The following IGLL5 variants were observed in gnomAD, a reference collection of about 807,000 sequenced individuals.
The protein encoded by IGLL5 is immunoglobulin lambda-like polypeptide 5.
In IGLL5, 30 loss-of-function variants were observed where a neutral mutation model predicts 20.9. That is an observed-to-expected ratio of 1.44 (90% confidence interval 1.07 to 1.95). The LOEUF (loss-of-function observed/expected upper bound fraction) is 1.95, where lower values mean the gene tolerates loss of function less well. IGLL5 is among the 30% of genes most tolerant of loss of function. The pLI is 0.00. For missense variants in IGLL5, 475 were observed against 270.7 expected, an observed-to-expected ratio of 1.75 and a Z score of -5.30; for synonymous variants, 203 against 117.3, an observed-to-expected ratio of 1.73 and a Z score of -4.72.
intron 1 of IGLL5, among the ~76,000 whole-genome samples, chr22:22,889,405 C>G (rs1204211679): frequency 6.6e-6 from 1 of 151,154 alleles, no homozygotes. Context: ...GTGTGTTTAT[C>G]TAAACTGGGC....
In IGLL5 at chr22:22,895,858, C is replaced by T; in HGVS notation, c.*164C>T. The T allele has an allele frequency of 1.3e-6, 1 of 751,122 alleles. No homozygotes were observed. Among genetic ancestry groups the T allele is most frequent in the Non-Finnish European group, 2.2e-6 (1 of 446,636 alleles). 46.5% of individuals were successfully genotyped at this position (751,122 alleles called of 1,614,324 possible). A position where few individuals can be genotyped will look rare whatever the true frequency, so the allele number is the denominator to read the frequency against. ...AATCTTGTTTTATCTCATTTTTTTT[C>T]TCACATAAATTGCTAGCCTCCCCGG... On this transcript the variant is annotated 3_prime_UTR_variant, in exon 3 of 3. Coordinates refer to ENST00000526893, the MANE Select transcript of IGLL5 (RefSeq NM_001178126.2).
rs1191271527 is a variant in IGLL5 at position 22,890,589 on chromosome 22, GTGTGTGTGTGTA to G, written c.206+2336_206+2347del. Among the ~76,000 whole-genome samples the G allele has an allele frequency of 6.0e-3, 870 of 145,280 alleles. 15 individuals carry two copies. Among genetic ancestry groups the G allele is most frequent in the African/African-American group, 0.022 (830 of 37,238 alleles). On this transcript the variant is annotated intron_variant, in intron 1 of 2. Transcript: ENST00000526893. ...TGTGTGTGTGTGTGTGTGTGTGTGT[GTGTGTGTGTGTA>G]TGTGTACAAAGTGCACTTATATATC...
At chr22:22,895,037 A>C (rs192975490) in intron 2 of IGLL5, among the ~76,000 whole-genome samples, 1 of 151,370 alleles carries the variant, frequency 6.6e-6, no homozygotes, top group South Asian at 2.1e-4. Flanking sequence ...GAAATGAGGG[A>C]TCCAGGGGTC....
chr22:22,891,058 T>A (rs771789068), intron 1 of IGLL5, among the ~76,000 whole-genome samples: 5 of 151,162 alleles, frequency 3.3e-5, no homozygotes, highest in Non-Finnish European at 7.4e-5. Flanking sequence ...GGGTCTTTTG[T>A]TTATGGGGTC....
intron 1 of IGLL5, among the ~76,000 whole-genome samples, chr22:22,892,535 G>A (rs1016773648): frequency 6.6e-6 from 1 of 151,076 alleles, no homozygotes; most frequent in African/African-American, 2.4e-5. Context: ...AAGGCATTCT[G>A]CGATGTCCCC....
chr22:22,889,620 ATCT>A (rs2067739957), intron 1 of IGLL5, among the ~76,000 whole-genome samples: 1 of 151,242 alleles, frequency 6.6e-6, no homozygotes, highest in African/African-American at 2.4e-5. Context: ...AACAGTCTTG[ATCT>A]GTTGCTCAGG....
chr22:22,890,463 T>G (rs896377880), intron 1 of IGLL5, among the ~76,000 whole-genome samples: 2 of 149,984 alleles, frequency 1.3e-5, no homozygotes, highest in African/African-American at 4.9e-5. Flanking sequence ...ATTCATTGCT[T>G]ATAAACTTTG....
At chr22:22,889,434 T>A (rs73880717) in intron 1 of IGLL5, among the ~76,000 whole-genome samples, 1 of 151,264 alleles carries the variant, frequency 6.6e-6, no homozygotes, top group Admixed American at 6.6e-5. Flanking sequence ...TTCTAGGAAT[T>A]TATCCTAAGG....
At chr22:22,893,933 T>TGCC (rs2067951123) in intron 2 of IGLL5, 115 bp downstream of exon 2, 1 of 789,828 alleles carries the variant, frequency 1.3e-6, no homozygotes, top group African/African-American at 1.7e-5. Flanking sequence ...GCACTGACCC[T>TGCC]TACCTTTCTC....
At chr22:22,894,489 A>C (rs2066660360) in intron 2 of IGLL5, among the ~76,000 whole-genome samples, 2 of 151,474 alleles carry the variant, frequency 1.3e-5, no homozygotes, top group Admixed American at 1.3e-4. Flanking sequence ...CTCTTAGGGC[A>C]GAGATGTGTC....
chr22:22,895,137 A>G lies in IGLL5; in HGVS notation c.326-238A>G, dbSNP rs552913900. Among the ~76,000 whole-genome samples the G allele has an allele frequency of 6.1e-4, 92 of 151,358 alleles. 1 individual carries two copies. Among genetic ancestry groups the G allele is most frequent in the Admixed American group, 1.2e-3 (18 of 15,150 alleles). On this transcript the variant is annotated intron_variant, in intron 2 of 2. Coordinates refer to ENST00000526893, the MANE Select transcript of IGLL5 (RefSeq NM_001178126.2). ...TATGGAGAAATTGAGGCTGTAGAGG[A>G]GAGGGGCTGGGCCAGGACACCTGTG...
rs564338484 is a variant in IGLL5, at chr22:22,888,724, A to G, written c.206+465A>G. ...CAAGGGCTTGGTTTGGTCTCCCCCAAGGCTGTCTGTTCACCAACTTGCACA... is the reference window on the plus strand; with the variant it reads ...CAAGGGCTTGGTTTGGTCTCCCCCAGGGCTGTCTGTTCACCAACTTGCACA... On this transcript the variant is annotated intron_variant, in intron 1 of 2. Coordinates refer to ENST00000526893, the MANE Select transcript of IGLL5 (RefSeq NM_001178126.2). Among the ~76,000 whole-genome samples the G allele has an allele frequency of 4.6e-5, 7 of 151,334 alleles. No individual in the cohort carries two copies. In the East Asian group the frequency reaches 6.1e-4, roughly 13 times the overall value.
At chr22:22,888,638 T>A (rs539016636) in intron 1 of IGLL5, among the ~76,000 whole-genome samples, 1 of 151,078 alleles carries the variant, frequency 6.6e-6, no homozygotes, top group Admixed American at 6.6e-5. Flanking sequence ...CTCCCCCTCC[T>A]CCTCTCTGCC....
In IGLL5 at chr22:22,895,406, G is replaced by T. The variant is rs117080388; in HGVS notation, c.357G>T (p.Leu119=). 2.3e-4 allele frequency: 366 copies of T among 1,612,910 alleles called. 5 individuals carry two copies. The East Asian group carries it at 8.1e-3, about 36-fold the overall frequency. Residue 119 remains leucine (L), a synonymous_variant, in exon 3 of 3, where the codon CTG becomes CTT. Coordinates refer to ENST00000526893, the MANE Select transcript of IGLL5 (RefSeq NM_001178126.2). ...CCAAGGCCAACCCCACTGTCACTCT[G>T]TTCCCGCCCTCCTCTGAGGAGCTCC... ...GQPKANPTVT[L]FPPSSEELQA... is the part of the protein sequence containing the mutation.
At chr22:22,888,333 A>AGC in intron 1 of IGLL5, 74 bp downstream of exon 1, 1 of 1,402,616 alleles carries the variant, frequency 7.1e-7, no homozygotes, top group Non-Finnish European at 9.8e-7. Context: ...AGGGGAGACA[A>AGC]GCCAGAGGAG....
chr22:22,888,799 C>T (rs549968174), intron 1 of IGLL5, among the ~76,000 whole-genome samples: 13 of 151,334 alleles, frequency 8.6e-5, no homozygotes, highest in South Asian at 4.2e-4. Flanking sequence ...GTGGGATGAA[C>T]CGAGGGGAGC....
At chr22:22,888,586 G>A (rs2067619082) in intron 1 of IGLL5, among the ~76,000 whole-genome samples, 3 of 150,270 alleles carry the variant, frequency 2.0e-5, no homozygotes, top group East Asian at 2.0e-4. Flanking sequence ...ACATCCACAG[G>A]GGGTGGTGGC....
At chr22:22,888,858 G>C (rs571368186) in intron 1 of IGLL5, among the ~76,000 whole-genome samples, 2 of 151,374 alleles carry the variant, frequency 1.3e-5, no homozygotes, top group East Asian at 2.0e-4. Flanking sequence ...AGCAATAAAG[G>C]GAGAGGGGAT....
At chr22:22,894,175 G>C (rs573983427) in intron 2 of IGLL5, among the ~76,000 whole-genome samples, 2 of 151,526 alleles carry the variant, frequency 1.3e-5, no homozygotes, top group African/African-American at 2.4e-5. Context: ...GTCAAGGACA[G>C]AGGCTGCTGG....
Sources: gnomAD v4.1 joint callset for allele counts (sites outside exome capture counted in the v4.1 genomes callset) on GRCh38, gnomAD v4.1.1 for gene constraint, MANE v1.5 for transcripts, NCBI Gene and HGNC (gene_info 2026-07-23, HGNC 2026-07-21) for gene names.